SAE1: variants seen among roughly 807,000 people sequenced by gnomAD.
SAE1 encodes the protein SUMO-activating enzyme subunit 1.
Under a neutral mutation model 40.6 loss-of-function variants are expected in SAE1, and 11 were observed. The ratio of observed to expected loss-of-function variants is 0.27; its 90% CI spans 0.17 to 0.45. SAE1 has a LOEUF of 0.45. SAE1 is among the 20% of genes least tolerant of loss of function. SAE1 has a pLI of 1.00. For synonymous variants in SAE1, 155 were observed against 154.3 expected (o/e 1.00, Z -0.03); for missense variants, 373 against 427.3 (o/e 0.87, Z 1.12).
chr19:47,164,165 ATTTTTATT>A (rs931856290), intron 5 of SAE1, among the ~76,000 whole-genome samples: 2 of 151,558 alleles, frequency 1.3e-5, no homozygotes, highest in African/African-American at 4.8e-5. Flanking sequence ...ATTTTATTTT[ATTTTTATT>A]TTTTTATTTT....
chr19:47,152,456 G>T (rs2058293722), intron 3 of SAE1, among the ~76,000 whole-genome samples: 1 of 152,156 alleles, frequency 6.6e-6, no homozygotes, highest in Non-Finnish European at 1.5e-5. Context: ...AAAAGGAGGG[G>T]GGTAAAAAGC....
At chr19:47,185,046 C>T (rs1254152538) in intron 6 of SAE1, among the ~76,000 whole-genome samples, 1 of 151,934 alleles carries the variant, frequency 6.6e-6, no homozygotes, top group African/African-American at 2.4e-5. Context: ...TCTCGAACTC[C>T]TGACCTCGGG....
chr19:47,140,408 C>T (rs1042029789), intron 1 of SAE1, among the ~76,000 whole-genome samples: 5 of 152,024 alleles, frequency 3.3e-5, no homozygotes, highest in East Asian at 1.9e-4. Flanking sequence ...GCCCAGCCCA[C>T]GCCCGGCTAA....
intron 8 of SAE1, among the ~76,000 whole-genome samples, chr19:47,207,882 C>G (rs771064720): frequency 6.6e-6 from 1 of 152,116 alleles, no homozygotes; most frequent in Non-Finnish European, 1.5e-5. Flanking sequence ...GTGATTCTCC[C>G]GCCTCGGCCT....
intron 5 of SAE1, among the ~76,000 whole-genome samples, chr19:47,167,555 T>C (rs2123246703): frequency 6.6e-6 from 1 of 152,272 alleles, no homozygotes; most frequent in Non-Finnish European, 1.5e-5. Context: ...TTTGAACTTT[T>C]ATCTGTCAAA....
At chr19:47,194,836 AG>A (rs1369401616) in intron 6 of SAE1, among the ~76,000 whole-genome samples, 1 of 142,982 alleles carries the variant, frequency 7.0e-6, no homozygotes, top group African/African-American at 2.6e-5. Flanking sequence ...GCAACCTCCC[AG>A]GTTCAAGTGA....
At chr19:47,149,915 A>C (rs541433495) in intron 2 of SAE1, among the ~76,000 whole-genome samples, 1 of 151,842 alleles carries the variant, frequency 6.6e-6, no homozygotes, top group South Asian at 2.1e-4. Flanking sequence ...GTCTCTACTA[A>C]AAATACAAAA....
intron 6 of SAE1, among the ~76,000 whole-genome samples, chr19:47,193,950 G>A (rs2058596920): frequency 6.6e-6 from 1 of 151,948 alleles, no homozygotes; most frequent in Non-Finnish European, 1.5e-5. Context: ...GCCTTTGTCT[G>A]ACATTGGCAC....
intron 6 of SAE1, among the ~76,000 whole-genome samples, chr19:47,176,859 G>A (rs563303449): frequency 1.3e-5 from 2 of 152,298 alleles, no homozygotes; most frequent in African/African-American, 2.4e-5. Context: ...CCCATGGCAT[G>A]TTGCAAAACA....
In SAE1 at chr19:47,134,491, G is replaced by T. The variant is rs77554348; in HGVS notation, c.98+3463G>T. On this transcript the variant is annotated intron_variant, in intron 1 of 8. Transcript: ENST00000270225. ...AGATTGGGAATTAAGTGATGAGAAT[G>T]TGCCTCTGGACATAGGTGGACTGCA... Among the ~76,000 whole-genome samples the T allele has an allele frequency of 1.7e-4, 26 of 152,204 alleles. No homozygotes were observed. The East Asian group carries it at 5.0e-3, about 29-fold the overall frequency.
intron 5 of SAE1, among the ~76,000 whole-genome samples, chr19:47,166,808 C>T (rs1408020164): frequency 6.6e-6 from 1 of 152,152 alleles, no homozygotes; most frequent in Non-Finnish European, 1.5e-5. Flanking sequence ...AGGCCGACTT[C>T]ATGACTTATC....
rs116075123 is a variant in SAE1 at position 47,172,358 on chromosome 19, G to A, written c.733+2435G>A. On this transcript the variant is annotated intron_variant, in intron 6 of 8. Transcript: ENST00000270225. ...GGGATCAGGTGTGGAAGAGGCACCA[G>A]CAGTAAGAGCAGAGTCTTTTCCATG... is the stretch of plus-strand genomic sequence containing the variant. Among the ~76,000 whole-genome samples the A allele has an allele frequency of 3.9e-3, 593 of 152,306 alleles. 5 individuals are homozygous for A. Among genetic ancestry groups the A allele is most frequent in the African/African-American group, 0.014 (565 of 41,576 alleles).
chr19:47,131,237 A>G, intron 1 of SAE1: 1 of 1,285,684 alleles, frequency 7.8e-7, no homozygotes, highest in South Asian at 2.0e-5. Flanking sequence ...GGCCGTTCCG[A>G]AGGATGGGAG....
chr19:47,164,888 G>T (rs1161138731), intron 5 of SAE1, among the ~76,000 whole-genome samples: 2 of 151,486 alleles, frequency 1.3e-5, no homozygotes, highest in Admixed American at 1.3e-4. Context: ...TCCTGACCTC[G>T]TGATCCGCCT....
At position 47,205,443 on chromosome 19, in the gene SAE1, AGT is replaced by A. The variant is rs1434258932; in HGVS notation, c.948+1707_948+1708del. Among the ~76,000 whole-genome samples, 25 of 151,968 alleles carry A rather than the reference AGT, an allele frequency of 1.6e-4. No homozygotes were observed. The East Asian group carries it at 4.8e-3, about 29-fold the overall frequency. On this transcript the variant is annotated intron_variant, in intron 8 of 8. Transcript: ENST00000270225. The stretch of plus-strand genomic sequence containing the variant: ...AGGAGATATTTGGAGGGGGAAGAAA[AGT>A]GTGCAATGGCCATACCTCTTTCCTT...
At chr19:47,200,619 C>A (rs1568610544) in intron 7 of SAE1, among the ~76,000 whole-genome samples, 1 of 152,146 alleles carries the variant, frequency 6.6e-6, no homozygotes, top group Non-Finnish European at 1.5e-5. Context: ...AGCCATCCTT[C>A]TGCCTTGGCT....
At chr19:47,199,466 C>T (rs559871779) in intron 7 of SAE1, among the ~76,000 whole-genome samples, 2 of 150,310 alleles carry the variant, frequency 1.3e-5, no homozygotes, top group African/African-American at 2.5e-5. Context: ...CATGGAAAAG[C>T]GGTTTCCCCA....
chr19:47,156,934 T>C (rs546030464), intron 5 of SAE1, among the ~76,000 whole-genome samples: 1 of 152,308 alleles, frequency 6.6e-6, no homozygotes, highest in East Asian at 1.9e-4. Flanking sequence ...ATTGGTTTCA[T>C]TGAACTGAGA....
intron 7 of SAE1, among the ~76,000 whole-genome samples, chr19:47,202,340 T>C (rs1201343705): frequency 6.6e-6 from 1 of 151,762 alleles, no homozygotes; most frequent in Admixed American, 6.6e-5. Context: ...CAGGCTGGAG[T>C]GTAGTTGTGC....
Sources: allele counts gnomAD v4.1 joint callset (sites outside exome capture counted in the v4.1 genomes callset), GRCh38; gene constraint gnomAD v4.1.1; transcripts MANE v1.5; gene names NCBI Gene and HGNC (gene_info 2026-07-23, HGNC 2026-07-21).